Variants in MRTFA observed in about 807,000 individuals in gnomAD.
The protein encoded by MRTFA is myocardin related transcription factor A, also known as myocardin-related transcription factor A.
A neutral mutation model predicts 83.5 loss-of-function variants in MRTFA; 20 were observed. That is an observed-to-expected ratio of 0.24 (90% CI 0.17 to 0.35). MRTFA has a LOEUF of 0.35. Among genes scored for constraint, MRTFA ranks in the 10% least tolerant of loss-of-function variants. The pLI is 1.00. For missense variants in MRTFA, 1,200 were observed against 1,224.7 expected, an observed-to-expected ratio of 0.98 and a Z score of 0.30; for synonymous variants, 659 against 541.2, an observed-to-expected ratio of 1.22 and a Z score of -3.02.
intron 3 of MRTFA, among the ~76,000 whole-genome samples, chr22:40,535,703 AAGTTTTCAC>A (rs2055159900): frequency 6.6e-6 from 1 of 152,266 alleles, no homozygotes; most frequent in African/African-American, 2.4e-5. Context: ...CAAATGAAAC[AAGTTTTCAC>A]AGTTCGGTAT....
intron 1 of MRTFA, among the ~76,000 whole-genome samples, chr22:40,595,257 A>T (rs1344064457): frequency 6.6e-6 from 1 of 151,132 alleles, no homozygotes; most frequent in East Asian, 1.9e-4. Flanking sequence ...GTAGGCTGGG[A>T]CTACAGGTGT....
intron 1 of MRTFA, among the ~76,000 whole-genome samples, chr22:40,612,947 A>C (rs1005636349): frequency 6.6e-6 from 1 of 152,212 alleles, no homozygotes; most frequent in Admixed American, 6.5e-5. Flanking sequence ...ACCCTGGCCC[A>C]AAAACAACAA....
intron 3 of MRTFA, among the ~76,000 whole-genome samples, chr22:40,464,283 G>T (rs1032417255): frequency 7.5e-6 from 1 of 133,584 alleles, no homozygotes; most frequent in Non-Finnish European, 1.6e-5. Flanking sequence ...TCCAGCCTGG[G>T]TAACGAGAGT....
chr22:40,508,437 G>A (rs771707213), intron 3 of MRTFA, among the ~76,000 whole-genome samples: 4 of 149,290 alleles, frequency 2.7e-5, no homozygotes, highest in African/African-American at 7.4e-5. Flanking sequence ...GTTTGAACTC[G>A]GGAAGCAGAG....
At chr22:40,591,218 G>A (rs1044327648) in intron 2 of MRTFA, among the ~76,000 whole-genome samples, 12 of 151,326 alleles carry the variant, frequency 7.9e-5, no homozygotes, top group African/African-American at 2.4e-4. Context: ...AGAGGCCTGA[G>A]GCATTATAAA....
intron 3 of MRTFA, among the ~76,000 whole-genome samples, chr22:40,481,874 C>G (rs2054098030): frequency 6.6e-6 from 1 of 152,072 alleles, no homozygotes; most frequent in South Asian, 2.1e-4. Context: ...TCCTGGCTAA[C>G]ACGGTGAAAC....
intron 1 of MRTFA, among the ~76,000 whole-genome samples, chr22:40,617,390 A>T (rs557106659): frequency 2.5e-4 from 38 of 152,284 alleles, no homozygotes; most frequent in African/African-American, 8.7e-4. Context: ...GGCCAAATTG[A>T]AAAGGAGCTA....
intron 1 of MRTFA, among the ~76,000 whole-genome samples, chr22:40,636,092 G>A (rs1196392546): frequency 2.0e-5 from 3 of 152,216 alleles, no homozygotes; most frequent in Non-Finnish European, 4.4e-5. Context: ...ACTGCACTTG[G>A]ATCCTGAAGG....
intron 7 of MRTFA, among the ~76,000 whole-genome samples, chr22:40,429,092 C>T (rs2053014929): frequency 6.6e-6 from 1 of 152,202 alleles, no homozygotes; most frequent in East Asian, 1.9e-4. Flanking sequence ...TTACCTGCTC[C>T]TAGGCGTGAG....
At chr22:40,420,760 G>A (rs1253255340) in intron 10 of MRTFA, 87 bp downstream of exon 10, 1 of 1,579,122 alleles carries the variant, frequency 6.3e-7, no homozygotes, top group Non-Finnish European at 8.6e-7. Context: ...TTAAAGATGT[G>A]AGGTTCACCC....
Position 40,411,019 on chromosome 22 carries a change from A to AGC in MRTFA, c.*369_*370dup, listed in dbSNP as rs2052511893. The AGC allele has an allele frequency of 1.2e-5, 3 of 250,238 alleles. No individual in the cohort carries two copies. Among genetic ancestry groups the AGC allele is most frequent in the Non-Finnish European group, 1.5e-5 (2 of 130,430 alleles). The allele number at this position is 250,238 out of a possible 1,614,324, so 15.5% of individuals were successfully genotyped here. A position where few individuals can be genotyped will look rare whatever the true frequency, so the allele number is the denominator to read the frequency against. Reference sequence around the variant, plus strand: ...GGAGATTCACCCCTTAACCTGTCTCAGCCCTGGGTCAGAAGAGAAGCCTCC... The same window carrying AGC: ...GGAGATTCACCCCTTAACCTGTCTCAGCGCCCTGGGTCAGAAGAGAAGCCTCC... On this transcript the variant is annotated 3_prime_UTR_variant, in exon 15 of 15. Transcript: ENST00000355630.
intron 2 of MRTFA, chr22:40,569,425 T>C (rs186667787): frequency 1.8e-5 from 3 of 169,206 alleles, no homozygotes; most frequent in African/African-American, 7.1e-5. Flanking sequence ...CAATGACTGC[T>C]AAAGGAGGTA....
At chr22:40,437,205 T>TG (rs1386491365) in intron 4 of MRTFA, among the ~76,000 whole-genome samples, 6 of 152,122 alleles carry the variant, frequency 3.9e-5, no homozygotes, top group African/African-American at 1.4e-4. Context: ...GGGCAGGTCG[T>TG]GGGCATTTCA....
intron 3 of MRTFA, among the ~76,000 whole-genome samples, chr22:40,464,309 G>GAAAAAA (rs398040500): frequency 1.4e-4 from 8 of 56,268 alleles, no homozygotes; most frequent in Non-Finnish European, 2.2e-4. Flanking sequence ...GCTGTCTCAG[G>GAAAAAA]AAAAAAAAAA....
intron 3 of MRTFA, chr22:40,533,793 T>C (rs2055122294): frequency 4.8e-6 from 2 of 418,308 alleles, no homozygotes; most frequent in Non-Finnish European, 8.1e-6. Context: ...TACCAATTTA[T>C]CCACCCTTCA....
At chr22:40,545,836 C>T (rs113844234) in intron 3 of MRTFA, among the ~76,000 whole-genome samples, 9 of 152,018 alleles carry the variant, frequency 5.9e-5, no homozygotes, top group Non-Finnish European at 8.8e-5. Flanking sequence ...CCAGTTCAAG[C>T]GATTCTCCTG....
intron 9 of MRTFA, 121 bp downstream of exon 9, chr22:40,423,415 G>T: frequency 2.2e-6 from 2 of 924,990 alleles, no homozygotes; most frequent in Non-Finnish European, 3.0e-6. Flanking sequence ...GAAACTCCCA[G>T]ACCAATGGGA....
intron 3 of MRTFA, among the ~76,000 whole-genome samples, chr22:40,475,902 C>G (rs1015435517): frequency 6.6e-6 from 1 of 152,064 alleles, no homozygotes; most frequent in African/African-American, 2.4e-5. Context: ...CCCAGCACTT[C>G]GGGAGGCCGA....
rs540826875 is a variant in MRTFA, at chr22:40,505,859, G to T, written c.242-42573C>A. On this transcript the variant is annotated intron_variant, in intron 3 of 14. Coordinates refer to ENST00000355630, the MANE Select transcript of MRTFA (RefSeq NM_020831.6). ...ATTTCTGTTCTTAATAAATTACCCA[G>T]TGTCAGGTATTCTGTTGCAGCAGCA... 3.9e-5 allele frequency among the ~76,000 whole-genome samples: 6 copies of T among 152,300 alleles called. No individual in the cohort carries two copies. The East Asian group carries it at 5.8e-4, about 15-fold the overall frequency.
Sources: gnomAD v4.1 joint callset for allele counts (sites outside exome capture counted in the v4.1 genomes callset) on GRCh38, gnomAD v4.1.1 for gene constraint, MANE v1.5 for transcripts, NCBI Gene and HGNC (gene_info 2026-07-23, HGNC 2026-07-21) for gene names.